The following IGSF11 variants were observed in gnomAD, a reference collection of about 807,000 sequenced individuals.
IGSF11 encodes CXADR like 1.
A neutral mutation model predicts 41.0 loss-of-function variants in IGSF11; 22 were observed. That is an observed-to-expected ratio of 0.54 (90% CI 0.38 to 0.77). The LOEUF is 0.77. Among genes scored for constraint, IGSF11 ranks in the 30% least tolerant of loss-of-function variants. The pLI is 0.00. For missense variants in IGSF11, 444 were observed against 530.8 expected, an observed-to-expected ratio of 0.84 and a Z score of 1.61; for synonymous variants, 219 against 201.3, an observed-to-expected ratio of 1.09 and a Z score of -0.74.
intron 1 of IGSF11, among the ~76,000 whole-genome samples, chr3:119,112,182 G>T (rs888580562): frequency 3.9e-5 from 6 of 152,206 alleles, no homozygotes; most frequent in African/African-American, 4.8e-5. Context: ...GTTTGTCTGT[G>T]CCCTGCCCCC....
At chr3:119,020,206 C>G (rs1939151962) in intron 1 of IGSF11, among the ~76,000 whole-genome samples, 1 of 152,172 alleles carries the variant, frequency 6.6e-6, no homozygotes, top group Non-Finnish European at 1.5e-5. Context: ...CTTGAAATCC[C>G]TGCACAGACC....
intron 1 of IGSF11, among the ~76,000 whole-genome samples, chr3:119,041,829 G>T (rs1432230022): frequency 6.6e-6 from 1 of 152,054 alleles, no homozygotes; most frequent in Non-Finnish European, 1.5e-5. Context: ...TAAAACTCTA[G>T]CTCCAGGTAA....
chr3:118,997,885 A>T (rs895862604), intron 1 of IGSF11, among the ~76,000 whole-genome samples: 1 of 152,178 alleles, frequency 6.6e-6, no homozygotes, highest in South Asian at 2.1e-4. Context: ...GTTCATGGCA[A>T]ATGCTAAGAA....
At chr3:118,920,301 TAAATA>T (rs1037949428) in intron 4 of IGSF11, among the ~76,000 whole-genome samples, 4 of 151,036 alleles carry the variant, frequency 2.6e-5, no homozygotes, top group Non-Finnish European at 4.4e-5. Context: ...CAAGATGATT[TAAATA>T]AAAGACCTCT....
chr3:119,052,744 C>T (rs1260636185), intron 1 of IGSF11, among the ~76,000 whole-genome samples: 4 of 151,752 alleles, frequency 2.6e-5, no homozygotes, highest in Non-Finnish European at 4.4e-5. Flanking sequence ...CAAAAATCCT[C>T]GACAAAATAC....
intron 1 of IGSF11, among the ~76,000 whole-genome samples, chr3:118,972,180 CCTT>C (rs1933522597): frequency 6.6e-6 from 1 of 152,208 alleles, no homozygotes; most frequent in African/African-American, 2.4e-5. Context: ...TTATTCCTGT[CCTT>C]CTCTCCAATT....
At chr3:119,081,072 A>G (rs957640155) in intron 1 of IGSF11, among the ~76,000 whole-genome samples, 5 of 152,166 alleles carry the variant, frequency 3.3e-5, no homozygotes, top group African/African-American at 4.8e-5. Context: ...TAATTGTGTA[A>G]TGTGTTGTTT....
chr3:118,904,833 G>T, intron 5 of IGSF11, 35 bp from the exon 6 acceptor site: 3 of 1,544,624 alleles, frequency 1.9e-6, no homozygotes, highest in Non-Finnish European at 8.8e-7. Context: ...TTAAAGAAAA[G>T]AGAAAGAGAG....
intron 1 of IGSF11, among the ~76,000 whole-genome samples, chr3:119,094,479 C>G (rs1292409032): frequency 6.6e-6 from 1 of 151,636 alleles, no homozygotes; most frequent in Non-Finnish European, 1.5e-5. Context: ...ACAACAGAAT[C>G]CTTTTATCAG....
At chr3:118,917,143 C>A (rs577180251) in intron 4 of IGSF11, among the ~76,000 whole-genome samples, 1 of 150,084 alleles carries the variant, frequency 6.7e-6, no homozygotes, top group African/African-American at 2.5e-5. Context: ...TAAATGCCCA[C>A]AAGAGAAAGC....
chr3:118,990,869 T>C (rs190411313), intron 1 of IGSF11, among the ~76,000 whole-genome samples: 45 of 152,222 alleles, frequency 3.0e-4, no homozygotes, highest in Middle Eastern at 3.4e-3. Context: ...CAAGGGTATG[T>C]ATATATGTGT....
chr3:118,917,287 A>C lies in IGSF11; in HGVS notation c.580+8814T>G, dbSNP rs1443892159. Among the ~76,000 whole-genome samples the C allele has an allele frequency of 1.5e-4, 22 of 150,070 alleles. No homozygotes were observed. In the East Asian group the frequency reaches 1.6e-3, roughly 11 times the overall value. On this transcript the variant is annotated intron_variant, in intron 4 of 6. Transcript: ENST00000393775. ...CAGAACTGAAGGAAATAGAGACACA[A>C]AAAACCCTTCAAAAAATCAATGAAT...
chr3:118,936,434 G>A (rs1231728267), intron 1 of IGSF11, among the ~76,000 whole-genome samples: 1 of 151,468 alleles, frequency 6.6e-6, no homozygotes, highest in Admixed American at 6.6e-5. Flanking sequence ...TTTAACCTGG[G>A]AGGTAGAAGT....
At chr3:119,053,450 A>G (rs1431026210) in intron 1 of IGSF11, among the ~76,000 whole-genome samples, 1 of 152,190 alleles carries the variant, frequency 6.6e-6, no homozygotes, top group East Asian at 1.9e-4. Context: ...TCAGAAATGT[A>G]CCTAACCAAG....
chr3:118,925,051 G>C (rs1436650999), intron 4 of IGSF11, among the ~76,000 whole-genome samples: 1 of 152,082 alleles, frequency 6.6e-6, no homozygotes, highest in Non-Finnish European at 1.5e-5. Context: ...AGTATTGCAG[G>C]AATCACTCTT....
intron 1 of IGSF11, among the ~76,000 whole-genome samples, chr3:119,136,172 C>A (rs2077558789): frequency 6.6e-6 from 1 of 151,954 alleles, no homozygotes; most frequent in African/African-American, 2.4e-5. Flanking sequence ...TGTAACAAAC[C>A]TGCACATTGT....
intron 1 of IGSF11, among the ~76,000 whole-genome samples, chr3:118,942,708 CCTT>C (rs1368025165): frequency 4.6e-5 from 7 of 152,188 alleles, no homozygotes; most frequent in African/African-American, 7.2e-5. Flanking sequence ...ATGTCTTTCT[CCTT>C]CTTCTCTCCT....
In IGSF11 at chr3:118,902,516, T is replaced by A; in HGVS notation, c.*4A>T. On this transcript the variant is annotated 3_prime_UTR_variant, in exon 7 of 7. Transcript: ENST00000393775. ...CATTTCTGAACACAACATTTCCTCA[T>A]GTCCTATACCAAGGACCCGGCCCGA... 1 of 1,349,568 alleles carries A rather than the reference T, an allele frequency of 7.4e-7. No homozygotes were observed. The highest frequency in any genetic ancestry group is 9.9e-7 in the Non-Finnish European group (1 of 1,011,974). 83.6% of individuals were successfully genotyped at this position (1,349,568 alleles called of 1,614,324 possible).
chr3:119,023,460 A>G (rs913259435), intron 1 of IGSF11, among the ~76,000 whole-genome samples: 7 of 152,082 alleles, frequency 4.6e-5, no homozygotes, highest in Non-Finnish European at 1.0e-4. Context: ...ATAGTTCCTA[A>G]AGTCTGGACA....
Sources: gnomAD v4.1 joint callset for allele counts (sites outside exome capture counted in the v4.1 genomes callset) on GRCh38, gnomAD v4.1.1 for gene constraint, MANE v1.5 for transcripts, NCBI Gene and HGNC (gene_info 2026-07-23, HGNC 2026-07-21) for gene names.